Variants in KCNC1 observed in about 807,000 individuals in gnomAD.
The protein encoded by KCNC1 is potassium voltage-gated channel subfamily C member 1, also known as voltage-gated potassium channel KCNC1.
A neutral mutation model predicts 43.4 loss-of-function variants in KCNC1; 8 were observed. The observed-to-expected ratio is 0.18, with a 90% CI of 0.11 to 0.33. KCNC1 has a LOEUF of 0.33. Ranked by LOEUF, KCNC1 falls within the 10% of genes least tolerant of loss-of-function variation. The pLI is 1.00. For missense variants in KCNC1, 420 were observed against 836.0 expected, an observed-to-expected ratio of 0.50 and a Z score of 6.14; for synonymous variants, 361 against 360.5, an observed-to-expected ratio of 1.00 and a Z score of -0.01.
At chr11:17,751,306 G>C (rs562342424) in intron 1 of KCNC1, among the ~76,000 whole-genome samples, 1 of 152,342 alleles carries the variant, frequency 6.6e-6, no homozygotes, top group East Asian at 1.9e-4. Context: ...TGGATAAAAA[G>C]ACGGATATGT....
At chr11:17,738,583 G>C (rs1168225317) in intron 1 of KCNC1, among the ~76,000 whole-genome samples, 2 of 152,158 alleles carry the variant, frequency 1.3e-5, no homozygotes, top group African/African-American at 2.4e-5. Flanking sequence ...GGGCAGGCAG[G>C]GGGCAGTGGG....
At chr11:17,752,350 A>G (rs1848978299) in intron 1 of KCNC1, among the ~76,000 whole-genome samples, 2 of 152,316 alleles carry the variant, frequency 1.3e-5, no homozygotes, top group East Asian at 3.9e-4. Flanking sequence ...TCCCTGGGAA[A>G]CCAGGTCCCG....
chr11:17,777,249 G>C lies in KCNC1; in HGVS notation c.1505-2207G>C. ...CCACAGAGGCAGAGGCAGAGAGAAG[G>C]CACCCCCCTCTGACCCACCCCTCCC... On this transcript the variant is annotated intron_variant, in intron 2 of 3. Coordinates refer to ENST00000265969, the MANE Select transcript of KCNC1 (RefSeq NM_001112741.2). The surrounding 1 kb of genome is among the most constrained non-coding windows in gnomAD (Gnocchi z 4.3). 2 of 985,768 alleles carry C rather than the reference G, an allele frequency of 2.0e-6. No individual in the cohort carries two copies. Among genetic ancestry groups the C allele is most frequent in the African/African-American group, 1.7e-5 (1 of 57,244 alleles). 61.1% of individuals were successfully genotyped at this position (985,768 alleles called of 1,614,324 possible).
intron 1 of KCNC1, among the ~76,000 whole-genome samples, chr11:17,764,691 C>T (rs930063229): frequency 1.3e-5 from 2 of 152,154 alleles, no homozygotes; most frequent in Non-Finnish European, 2.9e-5. Context: ...ACGCTGCGCT[C>T]GGGGGCCAGG....
chr11:17,761,572 A>G (rs761871477), intron 1 of KCNC1, among the ~76,000 whole-genome samples: 2 of 152,168 alleles, frequency 1.3e-5, no homozygotes, highest in South Asian at 2.1e-4. Context: ...AGAGGTTACT[A>G]GGCCATAGGC....
At chr11:17,762,749 G>T (rs763654010) in intron 1 of KCNC1, among the ~76,000 whole-genome samples, 47 of 152,164 alleles carry the variant, frequency 3.1e-4, no homozygotes, top group Non-Finnish European at 5.7e-4. Flanking sequence ...GGAGAACGTG[G>T]TTCCCCTCTC....
chr11:17,767,581 G>C (rs1182296385), intron 1 of KCNC1, among the ~76,000 whole-genome samples: 1 of 152,212 alleles, frequency 6.6e-6, no homozygotes, highest in African/African-American at 2.4e-5. Context: ...GCCTGTGGCT[G>C]ACCTCCCACT....
At chr11:17,780,420 A>G (rs2133810953) in intron 3 of KCNC1, 1 of 152,494 alleles carries the variant, frequency 6.6e-6, no homozygotes, top group South Asian at 2.1e-4. Context: ...CTTCTCCTAG[A>G]GCTTCAGCAC....
In KCNC1 at chr11:17,736,484, C is replaced by T. The variant is rs867735558; in HGVS notation, c.482C>T (p.Pro161Leu). The change falls in exon 1 of 4, where the codon CCG (proline) becomes CTG (leucine). Residue 161 changes from proline (P) to leucine (L), a missense_variant. Transcript: ENST00000265969. The surrounding 1 kb of genome is among the most constrained non-coding windows in gnomAD (Gnocchi z 9.3). The part of the protein sequence containing the change: ...MTKRLALSDS[P>L]DGRPGGFWRR... ...AAGCGCCTGGCGCTCAGTGACTCCC[C>T]GGATGGCCGGCCTGGCGGCTTTTGG... 6.3e-7 allele frequency: 1 copy of T among 1,596,304 alleles called. No homozygotes were observed. Among genetic ancestry groups the T allele is most frequent in the South Asian group, 1.1e-5 (1 of 89,962 alleles).
rs1849225512 is a variant in KCNC1 at position 17,771,343 on chromosome 11, T to A, written c.571-322T>A. Among the ~76,000 whole-genome samples, 1 of 152,216 alleles carries A rather than the reference T, an allele frequency of 6.6e-6. No individual in the cohort carries two copies. Among genetic ancestry groups the A allele is most frequent in the African/African-American group, 2.4e-5 (1 of 41,446 alleles). ...AATTTATTTCCCACTCAGGTAACAG[T>A]TCAATGTGGGTATGTGGCTGATGTC... is the stretch of plus-strand genomic sequence containing the variant. On this transcript the variant is annotated intron_variant, in intron 1 of 3. Transcript: ENST00000265969. This position sits in a 1 kb window ranked among gnomAD's most constrained non-coding sequence, Gnocchi z 4.7.
At chr11:17,744,947 G>A (rs1191842744) in intron 1 of KCNC1, among the ~76,000 whole-genome samples, 1 of 152,086 alleles carries the variant, frequency 6.6e-6, no homozygotes, top group Non-Finnish European at 1.5e-5. Flanking sequence ...GCTGAGTGAG[G>A]GTACATCGCT....
chr11:17,737,362 T>G (rs1188637750), intron 1 of KCNC1, among the ~76,000 whole-genome samples: 1 of 151,898 alleles, frequency 6.6e-6, no homozygotes, highest in Non-Finnish European at 1.5e-5. Context: ...AGGGGGTCGG[T>G]CCTTAAGGGT....
At chr11:17,752,479 ATG>A (rs1848979985) in intron 1 of KCNC1, among the ~76,000 whole-genome samples, 1 of 152,210 alleles carries the variant, frequency 6.6e-6, no homozygotes, top group Non-Finnish European at 1.5e-5. Context: ...AAAGCTCCAC[ATG>A]CAAACATGCA....
Position 17,763,642 on chromosome 11 carries a change from C to CA in KCNC1, c.571-8023_571-8022insA, listed in dbSNP as rs560515540. ...TATACACACCCACACACACACACCC[C>CA]CACACCACACCACACGCAATAACAC... On this transcript the variant is annotated intron_variant, in intron 1 of 3. Transcript: ENST00000265969. Among the ~76,000 whole-genome samples, 888 of 119,174 alleles carry CA rather than the reference C, an allele frequency of 7.5e-3. 34 individuals are homozygous for CA. Among genetic ancestry groups the CA allele is most frequent in the African/African-American group, 0.025 (802 of 31,562 alleles). 78.2% of individuals were successfully genotyped at this position (119,174 alleles called of 152,430 possible).
intron 1 of KCNC1, among the ~76,000 whole-genome samples, chr11:17,738,841 G>A (rs1848800281): frequency 6.6e-6 from 1 of 152,232 alleles, no homozygotes; most frequent in Non-Finnish European, 1.5e-5. Context: ...GCGGGTGCTA[G>A]TGGGTGCTCC....
chr11:17,762,365 C>T lies in KCNC1; in HGVS notation c.571-9300C>T, dbSNP rs534935738. Among the ~76,000 whole-genome samples, 448 of 152,304 alleles carry T rather than the reference C, an allele frequency of 2.9e-3. 1 individual carries two copies. Among genetic ancestry groups the T allele is most frequent in the Non-Finnish European group, 4.9e-3 (331 of 68,036 alleles). Reference sequence around the variant, plus strand: ...AGAGGACCAGGGCGGGAGGGTCCACCGGAGCTTCAAGGTGAGAGGCTCTGT... The same window carrying T: ...AGAGGACCAGGGCGGGAGGGTCCACTGGAGCTTCAAGGTGAGAGGCTCTGT... On this transcript the variant is annotated intron_variant, in intron 1 of 3. Transcript: ENST00000265969.
chr11:17,772,876 G>T, intron 2 of KCNC1: 1 of 1,301,834 alleles, frequency 7.7e-7, no homozygotes, highest in South Asian at 2.3e-5. Context: ...CCGCCAGGTT[G>T]CTGAGGACTA....
At chr11:17,748,305 C>T (rs1300428178) in intron 1 of KCNC1, among the ~76,000 whole-genome samples, 1 of 152,146 alleles carries the variant, frequency 6.6e-6, no homozygotes, top group Non-Finnish European at 1.5e-5. Flanking sequence ...CCCTGAGCAG[C>T]TGTGTGCCCA....
intron 2 of KCNC1, chr11:17,774,515 C>A: frequency 1.0e-6 from 1 of 985,576 alleles, no homozygotes; most frequent in African/African-American, 1.7e-5. Context: ...TGTGCGGAGT[C>A]CCCCTGCCCC....
Sources: gnomAD v4.1 joint callset for allele counts (sites outside exome capture counted in the v4.1 genomes callset) on GRCh38, gnomAD v4.1.1 for gene constraint, Gnocchi (gnomAD v3.1) non-coding constraint, MANE v1.5 for transcripts, NCBI Gene and HGNC (gene_info 2026-07-23, HGNC 2026-07-21) for gene names.